IMMP2L: variants seen among roughly 807,000 people sequenced by gnomAD.
The protein encoded by IMMP2L is inner mitochondrial membrane peptidase subunit 2.
In IMMP2L, 18 loss-of-function variants were observed where a neutral mutation model predicts 19.3. That is an observed-to-expected ratio of 0.93 (90% CI 0.64 to 1.38). IMMP2L has a LOEUF of 1.38. Among genes scored for constraint, IMMP2L ranks in the 40% most tolerant of loss-of-function variants. The pLI, the probability that IMMP2L is intolerant of heterozygous loss-of-function variation, is 0.00. For synonymous variants in IMMP2L, 76 were observed against 73.0 expected, an observed-to-expected ratio of 1.04 and a Z score of -0.21; for missense variants, 233 against 218.2, an observed-to-expected ratio of 1.07 and a Z score of -0.43.
intron 3 of IMMP2L, among the ~76,000 whole-genome samples, chr7:111,409,369 C>G (rs1339396762): frequency 1.3e-5 from 2 of 151,460 alleles, no homozygotes; most frequent in African/African-American, 4.9e-5. Flanking sequence ...ATTAAAAGTC[C>G]CCATGGATAA....
At chr7:111,160,257 C>G (rs902767226) in intron 3 of IMMP2L, among the ~76,000 whole-genome samples, 1 of 151,926 alleles carries the variant, frequency 6.6e-6, no homozygotes, top group African/African-American at 2.4e-5. Flanking sequence ...AATAAGTTAT[C>G]CAAAAATATT....
At chr7:110,719,989 A>G (rs1795468943) in intron 5 of IMMP2L, among the ~76,000 whole-genome samples, 1 of 152,212 alleles carries the variant, frequency 6.6e-6, no homozygotes, top group South Asian at 2.1e-4. Context: ...GTAAAACTCA[A>G]GAGTTATTTT....
intron 5 of IMMP2L, among the ~76,000 whole-genome samples, chr7:110,818,116 A>G (rs1471439526): frequency 6.6e-6 from 1 of 152,156 alleles, no homozygotes; most frequent in Non-Finnish European, 1.5e-5. Flanking sequence ...GACAAATGGG[A>G]TCTAATTAAA....
chr7:111,009,812 T>G (rs1204853385), intron 3 of IMMP2L, among the ~76,000 whole-genome samples: 2 of 152,274 alleles, frequency 1.3e-5, no homozygotes, highest in African/African-American at 4.8e-5. Flanking sequence ...GAGTAGAAGC[T>G]GAAAAATAAA....
intron 3 of IMMP2L, among the ~76,000 whole-genome samples, chr7:111,175,010 G>C (rs747095149): frequency 6.6e-6 from 1 of 151,700 alleles, no homozygotes; most frequent in Non-Finnish European, 1.5e-5. Flanking sequence ...TTTTATGAAA[G>C]CACATACTGA....
intron 3 of IMMP2L, among the ~76,000 whole-genome samples, chr7:110,989,153 T>A (rs552599787): frequency 6.6e-6 from 1 of 152,126 alleles, no homozygotes; most frequent in African/African-American, 2.4e-5. Context: ...GAGAATCGCT[T>A]GAAACTGGGT....
At chr7:111,233,147 G>C (rs1049910927) in intron 3 of IMMP2L, among the ~76,000 whole-genome samples, 1 of 152,086 alleles carries the variant, frequency 6.6e-6, no homozygotes, top group Non-Finnish European at 1.5e-5. Context: ...TTTATCCAAT[G>C]AACGTAGATT....
intron 5 of IMMP2L, among the ~76,000 whole-genome samples, chr7:110,850,656 C>T (rs1173179592): frequency 1.3e-5 from 2 of 150,976 alleles, no homozygotes; most frequent in African/African-American, 2.4e-5. Context: ...TGTCCTGTAA[C>T]ACTAACACTA....
chr7:111,082,675 C>T (rs1041298807), intron 3 of IMMP2L, among the ~76,000 whole-genome samples: 33 of 152,148 alleles, frequency 2.2e-4, no homozygotes, highest in African/African-American at 8.0e-4. Flanking sequence ...GAGCATTATA[C>T]AGCTGGGGAG....
chr7:110,944,918 TATAA>T (rs1817102687), intron 4 of IMMP2L, among the ~76,000 whole-genome samples: 2 of 151,928 alleles, frequency 1.3e-5, no homozygotes, highest in African/African-American at 2.4e-5. Flanking sequence ...CCTTTGCTCT[TATAA>T]ATAATGTTAT....
chr7:111,468,695 CAT>C (rs2132078877), intron 3 of IMMP2L, among the ~76,000 whole-genome samples: 1 of 152,158 alleles, frequency 6.6e-6, no homozygotes, highest in South Asian at 2.1e-4. Context: ...CTAGAGAAAA[CAT>C]ATCATAGTCA....
At chr7:111,122,715 C>G in intron 3 of IMMP2L, 1 of 1,356,090 alleles carries the variant, frequency 7.4e-7, no homozygotes, top group South Asian at 1.3e-5. Context: ...ATTGAACTTA[C>G]TAGCACTGAC....
chr7:110,938,294 C>A (rs1225332219), intron 4 of IMMP2L, among the ~76,000 whole-genome samples: 3 of 152,100 alleles, frequency 2.0e-5, no homozygotes, highest in Admixed American at 1.3e-4. Context: ...ACAATGTCCG[C>A]AAATGCCTCC....
chr7:111,252,837 AC>A (rs1188153806), intron 3 of IMMP2L, among the ~76,000 whole-genome samples: 5 of 152,120 alleles, frequency 3.3e-5, no homozygotes. Flanking sequence ...ATATTCTAAA[AC>A]CTTAGAGTTT....
At chr7:110,723,878 A>T (rs1412089287) in intron 5 of IMMP2L, among the ~76,000 whole-genome samples, 1 of 151,804 alleles carries the variant, frequency 6.6e-6, no homozygotes, top group East Asian at 1.9e-4. Context: ...AAAAAAGAAC[A>T]GATGTCTCGG....
chr7:111,251,939 G>A (rs1816180773), intron 3 of IMMP2L, among the ~76,000 whole-genome samples: 1 of 151,832 alleles, frequency 6.6e-6, no homozygotes, highest in South Asian at 2.1e-4. Context: ...CTATCTTCAC[G>A]AGTTTTATTC....
chr7:110,722,643 C>T (rs75047847), intron 5 of IMMP2L, among the ~76,000 whole-genome samples: 1,601 of 152,034 alleles, frequency 0.011, 31 homozygotes, highest in African/African-American at 0.036. Context: ...AAATATATGC[C>T]GATTTTTGTT....
intron 5 of IMMP2L, among the ~76,000 whole-genome samples, chr7:110,763,578 G>C (rs1176984991): frequency 6.6e-6 from 1 of 152,012 alleles, no homozygotes; most frequent in Non-Finnish European, 1.5e-5. Context: ...TAAATGGGAA[G>C]GTCTTTTATA....
Position 111,424,702 on chromosome 7 carries a change from CATTA to C in IMMP2L, c.239+62532_239+62535del, listed in dbSNP as rs1207759302. On this transcript the variant is annotated intron_variant, in intron 3 of 5. Coordinates refer to ENST00000405709, the MANE Select transcript of IMMP2L (RefSeq NM_032549.4). ...TTCCAAAATATTTCTCTTCATTGTA[CATTA>C]ATTAAAACTATATTTTCAACATTTT... is the stretch of plus-strand genomic sequence containing the variant. 2.0e-5 allele frequency among the ~76,000 whole-genome samples: 3 copies of C among 151,780 alleles called. No homozygotes were observed. The East Asian group carries it at 5.8e-4, about 29-fold the overall frequency.
Sources: gnomAD v4.1 joint callset for allele counts (sites outside exome capture counted in the v4.1 genomes callset) on GRCh38, gnomAD v4.1.1 for gene constraint, MANE v1.5 for transcripts, NCBI Gene and HGNC (gene_info 2026-07-23, HGNC 2026-07-21) for gene names.